The following RSRC1 variants were observed in gnomAD, a reference collection of about 807,000 sequenced individuals.
RSRC1 encodes the protein serine/Arginine-related protein 53.
A neutral mutation model predicts 49.1 loss-of-function variants in RSRC1; 39 were observed. The ratio of observed to expected loss-of-function variants is 0.79; its 90% confidence interval spans 0.61 to 1.04. The LOEUF (loss-of-function observed/expected upper bound fraction) is 1.04, where lower values mean the gene tolerates loss of function less well. RSRC1 is among the 50% of genes least tolerant of loss of function. RSRC1 has a pLI of 0.00. For synonymous variants in RSRC1, 143 were observed against 130.8 expected, an observed-to-expected ratio of 1.09 and a Z score of -0.63; for missense variants, 388 against 402.4, an observed-to-expected ratio of 0.96 and a Z score of 0.31.
intron 7 of RSRC1, among the ~76,000 whole-genome samples, chr3:158,513,186 C>G (rs1740286877): frequency 6.7e-6 from 1 of 149,748 alleles, no homozygotes. Flanking sequence ...GCATCCCTGT[C>G]TTGTGCCAGT....
chr3:158,382,139 C>A (rs1015881489), intron 6 of RSRC1, among the ~76,000 whole-genome samples: 1 of 151,994 alleles, frequency 6.6e-6, no homozygotes, highest in Non-Finnish European at 1.5e-5. Context: ...TAGCCTAAAC[C>A]TACACAGGGT....
At chr3:158,313,808 C>G (rs1342009193) in intron 5 of RSRC1, among the ~76,000 whole-genome samples, 1 of 152,174 alleles carries the variant, frequency 6.6e-6, no homozygotes, top group Non-Finnish European at 1.5e-5. Flanking sequence ...ATTATTATGG[C>G]TGTATTATTC....
intron 3 of RSRC1, among the ~76,000 whole-genome samples, chr3:158,189,365 A>G (rs537149987): frequency 1.4e-4 from 21 of 152,110 alleles, no homozygotes; most frequent in Middle Eastern, 3.4e-3. Flanking sequence ...TTCTAAATTT[A>G]CGTTACAAAT....
chr3:158,360,113 G>A (rs1731386495), intron 6 of RSRC1, among the ~76,000 whole-genome samples: 1 of 152,010 alleles, frequency 6.6e-6, no homozygotes, highest in Non-Finnish European at 1.5e-5. Context: ...CCCTCTGCAG[G>A]CAGGTTGTCC....
intron 6 of RSRC1, among the ~76,000 whole-genome samples, chr3:158,397,477 TG>T (rs1733674673): frequency 6.6e-6 from 1 of 152,152 alleles, no homozygotes; most frequent in African/African-American, 2.4e-5. Flanking sequence ...GTGAGTATTT[TG>T]CCAGTGACTT....
intron 3 of RSRC1, among the ~76,000 whole-genome samples, chr3:158,137,732 C>G (rs544078687): frequency 6.6e-6 from 1 of 150,478 alleles, no homozygotes; most frequent in African/African-American, 2.4e-5. Context: ...CAGCTCACTG[C>G]GACCTCCGCC....
chr3:158,487,949 G>GGAAAAAATAAAA (rs1553814781), intron 7 of RSRC1, among the ~76,000 whole-genome samples: 1 of 28,920 alleles, frequency 3.5e-5, no homozygotes, highest in Non-Finnish European at 6.0e-5. Flanking sequence ...TCCATCTCAA[G>GGAAAAAATAAAA]AAAAAAAAAA....
At chr3:158,357,859 G>A (rs1220655322) in intron 6 of RSRC1, among the ~76,000 whole-genome samples, 5 of 152,100 alleles carry the variant, frequency 3.3e-5, no homozygotes, top group African/African-American at 9.7e-5. Flanking sequence ...GATTCTTGAC[G>A]CAGGATTAAT....
At chr3:158,254,081 C>A (rs1184862821) in intron 4 of RSRC1, among the ~76,000 whole-genome samples, 1 of 152,178 alleles carries the variant, frequency 6.6e-6, no homozygotes, top group Admixed American at 6.5e-5. Flanking sequence ...CATGTCCCTG[C>A]AAAGGACATG....
Position 158,291,848 on chromosome 3 carries a change from C to T in RSRC1, c.495-6191C>T, listed in dbSNP as rs73874362. ...AAAAGTCAATGACTTTCTGGTAAGACGAGATCTAAAAAATCTTAGTGTTTT... is the reference window on the plus strand; with the variant it reads ...AAAAGTCAATGACTTTCTGGTAAGATGAGATCTAAAAAATCTTAGTGTTTT... On this transcript the variant is annotated intron_variant, in intron 4 of 9. Transcript: ENST00000611884. Among the ~76,000 whole-genome samples, 672 of 152,126 alleles carry T rather than the reference C, an allele frequency of 4.4e-3. 6 individuals are homozygous for T. Among genetic ancestry groups the T allele is most frequent in the African/African-American group, 0.016 (645 of 41,504 alleles).
At chr3:158,121,527 A>G (rs1468864099) in intron 1 of RSRC1, among the ~76,000 whole-genome samples, 2 of 152,180 alleles carry the variant, frequency 1.3e-5, no homozygotes, top group African/African-American at 4.8e-5. Flanking sequence ...CACAAGTGAA[A>G]TGATGATTAT....
At chr3:158,415,403 C>T (rs769806483) in intron 6 of RSRC1, among the ~76,000 whole-genome samples, 10 of 151,688 alleles carry the variant, frequency 6.6e-5, no homozygotes, top group Non-Finnish European at 1.3e-4. Flanking sequence ...TACTGTTTGC[C>T]TTTTACAGAA....
At chr3:158,360,150 A>G (rs1035485940) in intron 6 of RSRC1, among the ~76,000 whole-genome samples, 1 of 152,022 alleles carries the variant, frequency 6.6e-6, no homozygotes, top group African/African-American at 2.4e-5. Context: ...CTCAGCAGAG[A>G]GGAAGCCCTA....
chr3:158,431,219 A>C (rs986446978), intron 6 of RSRC1, among the ~76,000 whole-genome samples: 1 of 151,744 alleles, frequency 6.6e-6, no homozygotes, highest in Non-Finnish European at 1.5e-5. Context: ...TCTTGATGTC[A>C]TCAGCTTGGT....
chr3:158,167,175 TTCTC>T (rs938645477), intron 3 of RSRC1, among the ~76,000 whole-genome samples: 47 of 152,046 alleles, frequency 3.1e-4, no homozygotes, highest in Admixed American at 5.3e-4. Flanking sequence ...GTATATTTTC[TTCTC>T]TCTCTCTTTT....
chr3:158,350,713 T>C (rs534609539), intron 5 of RSRC1, among the ~76,000 whole-genome samples: 1 of 152,246 alleles, frequency 6.6e-6, no homozygotes, highest in Admixed American at 6.5e-5. Flanking sequence ...CCATTTAAAA[T>C]TTTTTTTGAG....
At chr3:158,136,526 AT>A (rs1716387493) in intron 3 of RSRC1, among the ~76,000 whole-genome samples, 1 of 149,710 alleles carries the variant, frequency 6.7e-6, no homozygotes, top group Non-Finnish European at 1.5e-5. Flanking sequence ...TGTTTATCTG[AT>A]TAATAGCTTT....
At chr3:158,229,245 TATAA>T (rs1262316105) in intron 4 of RSRC1, among the ~76,000 whole-genome samples, 1 of 151,186 alleles carries the variant, frequency 6.6e-6, no homozygotes, top group South Asian at 2.1e-4. Context: ...TATGTATGTA[TATAA>T]ACATACATGT....
intron 8 of RSRC1, among the ~76,000 whole-genome samples, chr3:158,538,779 G>A (rs1247153216): frequency 6.6e-6 from 1 of 151,912 alleles, no homozygotes; most frequent in African/African-American, 2.4e-5. Context: ...ATTTATCTTG[G>A]TGAATATACA....
Sources: allele counts gnomAD v4.1 joint callset (sites outside exome capture counted in the v4.1 genomes callset), GRCh38; gene constraint gnomAD v4.1.1; transcripts MANE v1.5; gene names NCBI Gene and HGNC (gene_info 2026-07-23, HGNC 2026-07-21).